The following AR variants were observed in gnomAD, a reference collection of about 807,000 sequenced individuals.
The protein encoded by AR is androgen receptor, also known as dihydrotestosterone receptor.
A neutral mutation model predicts 53.9 loss-of-function variants in AR; 8 were observed. That is an observed-to-expected ratio of 0.15 (90% CI 0.09 to 0.27). The LOEUF is 0.27. AR is among the 10% of genes least tolerant of loss of function. The pLI is 1.00. For missense variants in AR, 639 were observed against 742.5 expected (o/e 0.86, Z 1.62); for synonymous variants, 359 against 316.4 (o/e 1.13, Z -1.43).
chrX:67,651,109 C>T (rs1056782166), intron 2 of AR, among the ~76,000 whole-genome samples: 23 of 108,407 alleles, frequency 2.1e-4, no homozygotes, highest in East Asian at 8.8e-4. Flanking sequence ...GGCACGATCT[C>T]GGCTCACTGC....
At chrX:67,621,972 A>G (rs2147398012) in intron 1 of AR, among the ~76,000 whole-genome samples, 1 of 111,638 alleles carries the variant, frequency 9.0e-6, no homozygotes, top group East Asian at 2.8e-4. Context: ...GTTACTTACT[A>G]GTTGTGTGAT....
chrX:67,631,816 T>C (rs1925141663), intron 1 of AR, among the ~76,000 whole-genome samples: 1 of 112,270 alleles, frequency 8.9e-6, no homozygotes, highest in African/African-American at 3.2e-5. Flanking sequence ...GATGGGTTTT[T>C]GGTGTGGATG....
intron 1 of AR, among the ~76,000 whole-genome samples, chrX:67,627,240 C>T (rs1040438187): frequency 4.5e-4 from 50 of 111,333 alleles, no homozygotes; most frequent in African/African-American, 1.6e-3. Context: ...AGTTTACAGT[C>T]CCACCAACAG....
chrX:67,579,563 G>A (rs1353093173), intron 1 of AR, among the ~76,000 whole-genome samples: 1 of 111,822 alleles, frequency 8.9e-6, no homozygotes, highest in Non-Finnish European at 1.9e-5. Context: ...ATGTCAAACA[G>A]GCAGTCCTTG....
At chrX:67,619,713 G>C (rs748492179) in intron 1 of AR, among the ~76,000 whole-genome samples, 27 of 111,278 alleles carry the variant, frequency 2.4e-4, no homozygotes, top group Non-Finnish European at 4.9e-4. Flanking sequence ...AAAGTATGTA[G>C]AGTGTAGTTT....
intron 2 of AR, among the ~76,000 whole-genome samples, chrX:67,653,072 T>C (rs777987216): frequency 3.6e-5 from 4 of 111,968 alleles, no homozygotes; most frequent in Non-Finnish European, 7.5e-5. Context: ...TTTCCCCACA[T>C]AACATATATT....
chrX:67,682,624 A>C (rs1339619621), intron 2 of AR, among the ~76,000 whole-genome samples: 1 of 111,676 alleles, frequency 9.0e-6, no homozygotes, highest in Non-Finnish European at 1.9e-5. Context: ...TAAACTAATC[A>C]AATGAGAGTG....
At chrX:67,595,223 A>T (rs1923023539) in intron 1 of AR, among the ~76,000 whole-genome samples, 1 of 111,103 alleles carries the variant, frequency 9.0e-6, no homozygotes, top group African/African-American at 3.3e-5. Flanking sequence ...GGGATTGTTG[A>T]TGAGAGCTGT....
intron 1 of AR, among the ~76,000 whole-genome samples, chrX:67,554,615 G>T (rs748185427): frequency 9.0e-6 from 1 of 111,639 alleles, no homozygotes; most frequent in East Asian, 2.8e-4. Context: ...GCTGTCTGTA[G>T]AGATTAGCCT....
In AR at chrX:67,685,415, G is replaced by T. The variant is rs190131000; in HGVS notation, c.1769-595G>T. Among the ~76,000 whole-genome samples the T allele has an allele frequency of 5.4e-5, 6 of 111,450 alleles. No homozygotes were observed. In the East Asian group the frequency reaches 1.7e-3, roughly 31 times the overall value. ...TTCATCGAACTTCCTTTTACTTGCT[G>T]TGATTCACTACATAGAGTGGGCTTT... is the stretch of plus-strand genomic sequence containing the variant. On this transcript the variant is annotated intron_variant, in intron 2 of 7. Transcript: ENST00000374690.
At chrX:67,575,481 A>C (rs1260531876) in intron 1 of AR, among the ~76,000 whole-genome samples, 2 of 111,822 alleles carry the variant, frequency 1.8e-5, no homozygotes, top group African/African-American at 6.5e-5. Flanking sequence ...ATGCGGATAC[A>C]CCAAAAACTC....
At chrX:67,711,285 T>C in intron 3 of AR, 117 bp from the exon 4 acceptor site, 1 of 812,269 alleles carries the variant, frequency 1.2e-6, no homozygotes. Context: ...GAGTTTAGAG[T>C]CTGTGACCAG....
chrX:67,613,996 G>A (rs1852470384), intron 1 of AR, among the ~76,000 whole-genome samples: 1 of 112,089 alleles, frequency 8.9e-6, no homozygotes, highest in Non-Finnish European at 1.9e-5. Flanking sequence ...CTGGCTAAGA[G>A]GGCTTCATAG....
intron 2 of AR, among the ~76,000 whole-genome samples, chrX:67,647,871 T>A (rs895542601): frequency 2.7e-5 from 3 of 111,988 alleles, no homozygotes; most frequent in African/African-American, 9.7e-5. Context: ...CAATAAAACT[T>A]TATGGGCACT....
At chrX:67,601,994 C>A (rs1437885845) in intron 1 of AR, among the ~76,000 whole-genome samples, 1 of 111,647 alleles carries the variant, frequency 9.0e-6, no homozygotes, top group South Asian at 3.7e-4. Context: ...TAGTCATACC[C>A]ATATCAAATC....
intron 3 of AR, among the ~76,000 whole-genome samples, chrX:67,704,338 C>T (rs1219616493): frequency 4.6e-5 from 5 of 108,086 alleles, no homozygotes; most frequent in Admixed American, 9.8e-5. Context: ...GATCGCCATT[C>T]TAACTGGTGT....
chrX:67,653,912 T>A (rs910199821), intron 2 of AR, among the ~76,000 whole-genome samples: 4 of 111,368 alleles, frequency 3.6e-5, no homozygotes, highest in African/African-American at 1.3e-4. Flanking sequence ...TTTGCACATG[T>A]ACCCTAAAAC....
rs1271310482 is a variant in AR at position 67,713,716 on chromosome X, C to T, written c.2173+2027C>T. Among the ~76,000 whole-genome samples, 3 of 112,054 alleles carry T rather than the reference C, an allele frequency of 2.7e-5. No homozygotes were observed. In the East Asian group the frequency reaches 8.5e-4, roughly 32 times the overall value. On this transcript the variant is annotated intron_variant, in intron 4 of 7. Coordinates refer to ENST00000374690, the MANE Select transcript of AR (RefSeq NM_000044.6). ...TGGTTATCTTGACAATAACCTAGTG[C>T]AAAACACTATAGCAGAATTTGTATG...
chrX:67,643,469 C>T (rs2147437051), intron 2 of AR, 62 bp downstream of exon 2: 1 of 1,145,059 alleles, frequency 8.7e-7, no homozygotes, highest in South Asian at 1.9e-5. Flanking sequence ...GAGAGAGACA[C>T]TAACCTTTCA....
Sources: gnomAD v4.1 joint callset for allele counts (sites outside exome capture counted in the v4.1 genomes callset) on GRCh38, gnomAD v4.1.1 for gene constraint, MANE v1.5 for transcripts, NCBI Gene and HGNC (gene_info 2026-07-23, HGNC 2026-07-21) for gene names.